EYS: variants seen among roughly 807,000 people sequenced by gnomAD.
EYS encodes protein eyes shut homolog.
Under a neutral mutation model 282.1 loss-of-function variants are expected in EYS, and 250 were observed. That is an observed-to-expected ratio of 0.89 (90% confidence interval 0.80 to 0.98). EYS has a LOEUF of 0.98. EYS is among the 50% of genes least tolerant of loss of function. EYS has a pLI of 0.00. For synonymous variants in EYS, 1,355 were observed against 1,282.9 expected (o/e 1.06, Z -1.20); for missense variants, 4,016 against 3,709.0 (o/e 1.08, Z -2.15).
At chr6:64,028,497 C>T (rs908119001) in intron 33 of EYS, among the ~76,000 whole-genome samples, 1 of 152,146 alleles carries the variant, frequency 6.6e-6, no homozygotes, top group Non-Finnish European at 1.5e-5. Flanking sequence ...TGTACCCAAC[C>T]CCTATATCCT....
At chr6:63,740,086 G>A (rs551353360) in intron 41 of EYS, among the ~76,000 whole-genome samples, 1 of 152,262 alleles carries the variant, frequency 6.6e-6, no homozygotes, top group Non-Finnish European at 1.5e-5. Context: ...AAAAGATAAT[G>A]TGTATAACGA....
Position 65,146,855 on chromosome 6 carries a change from A to G in EYS, c.2024-89128T>C, listed in dbSNP as rs547562432. ...CAGTTTAATTTTTATTAATTCCCTA[A>G]TATGAATGATTCAAAAACGTTGTCA... On this transcript the variant is annotated intron_variant, in intron 12 of 42. Coordinates refer to ENST00000503581, the MANE Select transcript of EYS (RefSeq NM_001142800.2). 1.6e-3 allele frequency among the ~76,000 whole-genome samples: 250 copies of G among 152,102 alleles called. 2 individuals carry two copies. The highest frequency in any genetic ancestry group is 0.014 in the South Asian group (67 of 4,832).
chr6:64,956,531 T>C (rs1769706355), intron 14 of EYS, among the ~76,000 whole-genome samples: 1 of 152,108 alleles, frequency 6.6e-6, no homozygotes, highest in South Asian at 2.1e-4. Context: ...GGTCAAATAT[T>C]TCTTGAGCAA....
rs75357651 is a variant in EYS at position 65,119,238 on chromosome 6, G to T, written c.2024-61511C>A. On this transcript the variant is annotated intron_variant, in intron 12 of 42. Transcript: ENST00000503581. ...CAGTGAATGCTACTGTAGCACATAA[G>T]GCTTAGGAAGTGGGCAGCATGCTTG... 7.3e-3 allele frequency among the ~76,000 whole-genome samples: 1,105 copies of T among 152,246 alleles called. 16 individuals carry two copies. The highest frequency in any genetic ancestry group is 0.025 in the African/African-American group (1,047 of 41,536).
chr6:64,492,528 A>G (rs1386690448), intron 26 of EYS, among the ~76,000 whole-genome samples: 2 of 150,820 alleles, frequency 1.3e-5, no homozygotes, highest in Non-Finnish European at 3.0e-5. Flanking sequence ...AGAGTGTCCT[A>G]ATTTGGATGT....
intron 34 of EYS, among the ~76,000 whole-genome samples, chr6:63,993,282 C>T (rs1562138056): frequency 6.6e-6 from 1 of 151,168 alleles, no homozygotes; most frequent in Non-Finnish European, 1.5e-5. Flanking sequence ...TTTTATTGAG[C>T]ATAGTACTGG....
intron 12 of EYS, among the ~76,000 whole-genome samples, chr6:65,233,264 T>G (rs756075014): frequency 6.6e-6 from 1 of 152,164 alleles, no homozygotes; most frequent in Non-Finnish European, 1.5e-5. Flanking sequence ...CTGTTGCAAG[T>G]GGGATATTTT....
At chr6:63,933,576 A>C (rs1471697975) in intron 35 of EYS, among the ~76,000 whole-genome samples, 2 of 151,954 alleles carry the variant, frequency 1.3e-5, no homozygotes, top group African/African-American at 4.8e-5. Flanking sequence ...TTGGTGATCA[A>C]CTCTACCTTC....
rs1298923602 is a variant in EYS at position 65,256,171 on chromosome 6, A to T, written c.2023+39692T>A. On this transcript the variant is annotated intron_variant, in intron 12 of 42. Transcript: ENST00000503581. ...CACTGAAGTACTATTCAGTCATAAA[A>T]AAGAATGCGGTCCTATCATTGGCAA... Among the ~76,000 whole-genome samples the T allele has an allele frequency of 2.6e-5, 4 of 152,064 alleles. No homozygotes were observed. The East Asian group carries it at 7.7e-4, about 29-fold the overall frequency.
chr6:64,570,080 C>T (rs1384483994), intron 26 of EYS, among the ~76,000 whole-genome samples: 1 of 152,218 alleles, frequency 6.6e-6, no homozygotes, highest in Non-Finnish European at 1.5e-5. Flanking sequence ...GCCCATCAGA[C>T]TAACAATGGA....
intron 5 of EYS, among the ~76,000 whole-genome samples, chr6:65,417,930 AG>A (rs929268077): frequency 2.6e-5 from 4 of 151,978 alleles, no homozygotes; most frequent in African/African-American, 9.7e-5. Context: ...AACAACAAAA[AG>A]CACATGGGGA....
At chr6:63,765,855 C>A (rs909607602) in intron 40 of EYS, among the ~76,000 whole-genome samples, 1 of 151,890 alleles carries the variant, frequency 6.6e-6, no homozygotes, top group Non-Finnish European at 1.5e-5. Context: ...ATGAGTTCAA[C>A]TGTTTTGATT....
intron 33 of EYS, among the ~76,000 whole-genome samples, chr6:64,027,011 T>C (rs915977819): frequency 6.6e-6 from 1 of 152,192 alleles, no homozygotes; most frequent in Non-Finnish European, 1.5e-5. Context: ...GATCAAACGC[T>C]GGCCTTTAAT....
chr6:64,338,527 G>A (rs190573110), intron 29 of EYS, among the ~76,000 whole-genome samples: 7 of 151,936 alleles, frequency 4.6e-5, no homozygotes, highest in African/African-American at 1.7e-4. Flanking sequence ...GATGGGTAGA[G>A]TAGAATCAAT....
intron 12 of EYS, among the ~76,000 whole-genome samples, chr6:65,062,636 G>C (rs1290602874): frequency 6.6e-6 from 1 of 151,744 alleles, no homozygotes; most frequent in Non-Finnish European, 1.5e-5. Context: ...ATCCTTTCTT[G>C]CTCACTTATT....
In EYS at chr6:63,720,691, C is replaced by G. The variant is rs1768342022; in HGVS notation, c.9340G>C (p.Asp3114His). 5 of 1,548,170 alleles carry G rather than the reference C, an allele frequency of 3.2e-6. No homozygotes were observed. Among genetic ancestry groups the G allele is most frequent in the Non-Finnish European group, 4.4e-6 (5 of 1,145,580 alleles). ...TTTGGTTCCTGAAAAAATACAACAT[C>G]TTTAATTTTGCCAACAAAATTGGTT... ...FKTNFVGKIK[D>H]VVFFQEPKNI... is the part of the protein sequence containing the mutation. Residue 3114 changes from aspartate (D) to histidine (H), a missense_variant, in exon 43 of 43, where the codon GAT becomes CAT. Coordinates refer to ENST00000503581, the MANE Select transcript of EYS (RefSeq NM_001142800.2).
chr6:65,044,699 ACTCAG>A (rs1773047467), intron 13 of EYS, among the ~76,000 whole-genome samples: 1 of 151,768 alleles, frequency 6.6e-6, no homozygotes, highest in Non-Finnish European at 1.5e-5. Context: ...AGCCACAACC[ACTCAG>A]CTCCTCATAC....
At chr6:63,905,562 C>T (rs1366255246) in intron 35 of EYS, among the ~76,000 whole-genome samples, 1 of 152,054 alleles carries the variant, frequency 6.6e-6, no homozygotes, top group Non-Finnish European at 1.5e-5. Context: ...CATCTCCTGA[C>T]CTCGTGATCC....
At chr6:64,047,459 T>C (rs777683613) in intron 33 of EYS, among the ~76,000 whole-genome samples, 5 of 152,104 alleles carry the variant, frequency 3.3e-5, no homozygotes, top group African/African-American at 4.8e-5. Context: ...TTTAGAGACA[T>C]ATACTTGATG....
Sources: gnomAD v4.1 joint callset for allele counts (sites outside exome capture counted in the v4.1 genomes callset) on GRCh38, gnomAD v4.1.1 for gene constraint, MANE v1.5 for transcripts, NCBI Gene and HGNC (gene_info 2026-07-23, HGNC 2026-07-21) for gene names.